The following TOMM40L variants were observed in gnomAD, a reference collection of about 807,000 sequenced individuals.
TOMM40L encodes mitochondrial import receptor subunit TOM40B.
TOMM40L carries 17 observed loss-of-function variants against 38.3 expected under a neutral mutation model. The ratio of observed to expected loss-of-function variants is 0.44; its 90% confidence interval spans 0.30 to 0.67. TOMM40L has a LOEUF of 0.67. TOMM40L is among the 30% of genes least tolerant of loss of function. The pLI is 0.08. For missense variants in TOMM40L, 294 were observed against 390.0 expected (o/e 0.75, Z 2.07); for synonymous variants, 151 against 150.2 (o/e 1.01, Z -0.04).
chr1:161,227,797 C>T (rs1666453483), intron 5 of TOMM40L, 60 bp downstream of exon 5: 2 of 1,605,106 alleles, frequency 1.2e-6, no homozygotes, highest in Non-Finnish European at 1.7e-6. Context: ...CCACGGGTTT[C>T]CTGCTCTGAG....
At chr1:161,226,813 T>C (rs1270750113) in intron 2 of TOMM40L, 75 bp from the exon 3 acceptor site, 10 of 1,538,710 alleles carry the variant, frequency 6.5e-6, no homozygotes, top group Non-Finnish European at 8.9e-6. Flanking sequence ...CCTATGGGAT[T>C]GAAAGGGGAG....
chr1:161,230,271 TAA>T lies in TOMM40L; in HGVS notation c.*1178_*1179del, dbSNP rs1488592750. 12 of 320,432 alleles carry T rather than the reference TAA, an allele frequency of 3.7e-5. No homozygotes were observed. The highest frequency in any genetic ancestry group is 6.9e-5 in the Non-Finnish European group (12 of 172,706). 19.8% of individuals were successfully genotyped at this position (320,432 alleles called of 1,614,324 possible). On this transcript the variant is annotated 3_prime_UTR_variant, in exon 10 of 10. Transcript: ENST00000367988. Reference sequence around the variant, plus strand: ...TAGAAGGTGGATGTGTTCTATGGTATAAAGCATCCCCTTTCTGGCCAAACTAG... The same window carrying T: ...TAGAAGGTGGATGTGTTCTATGGTATAGCATCCCCTTTCTGGCCAAACTAG...
At position 161,229,730 on chromosome 1, in the gene TOMM40L, CA is replaced by C. The variant is rs749380602; in HGVS notation, c.*636del. On this transcript the variant is annotated 3_prime_UTR_variant, in exon 10 of 10. Coordinates refer to ENST00000367988, the MANE Select transcript of TOMM40L (RefSeq NM_032174.6). ...TTGAACCCGGCCCAATCTTTGGTCC[CA>C]GCATTTTCCCACTCCAGTGTATCCA... The C allele has an allele frequency of 1.1e-5, 17 of 1,614,234 alleles. No homozygotes were observed. Among genetic ancestry groups the C allele is most frequent in the Non-Finnish European group, 1.4e-5 (16 of 1,180,048 alleles).
At position 161,226,602 on chromosome 1, in the gene TOMM40L, A is replaced by G; in HGVS notation, c.113A>G (p.Lys38Arg). The change falls in exon 2 of 10, where the codon AAA becomes AGA. Residue 38 changes from lysine to arginine, a missense_variant and splice_region_variant. By Grantham distance (26) the Lys-to-Arg change is conservative. Transcript: ENST00000367988. Reference sequence around the variant, plus strand: ...TTCGATGAGCTGCACCGTCTATGCAAAGGTGAGAACTTGGCACTTGGGTGT... The same window carrying G: ...TTCGATGAGCTGCACCGTCTATGCAGAGGTGAGAACTTGGCACTTGGGTGT... Reference protein sequence around the residue: ...GSFDELHRLCKDVFPAQMEGV... With the variant: ...GSFDELHRLCRDVFPAQMEGV... The G allele has an allele frequency of 6.2e-7, 1 of 1,613,914 alleles. No homozygotes were observed. Among genetic ancestry groups the G allele is most frequent in the Non-Finnish European group, 8.5e-7 (1 of 1,179,874 alleles).
rs1470877422 is a variant in TOMM40L at position 161,228,735 on chromosome 1, T to C, written c.705T>C (p.Phe235=). 6 of 1,614,036 alleles carry C rather than the reference T, an allele frequency of 3.7e-6. No individual in the cohort carries two copies. Among genetic ancestry groups the C allele is most frequent in the Non-Finnish European group, 5.1e-6 (6 of 1,180,028 alleles). The change falls in exon 9 of 10, where the codon TTT becomes TTC. Residue 235 remains phenylalanine, a synonymous_variant. Transcript: ENST00000367988. ...CTCAGGTTCAGGTTGGAGTGGAGTT[T>C]GAGGCAAACACAAGGCTACAAGACA... ...ANEQVQVGVE[F]EANTRLQDTT...
intron 8 of TOMM40L, 58 bp downstream of exon 8, chr1:161,228,562 A>G (rs1666544455): frequency 1.3e-6 from 2 of 1,599,670 alleles, no homozygotes; most frequent in African/African-American, 1.3e-5. Flanking sequence ...ACTTCTGTTC[A>G]TCTGGACCTC....
chr1:161,228,900 G>A lies in TOMM40L; in HGVS notation c.788-56G>A, dbSNP rs577799814. Reference sequence around the variant, plus strand: ...AGGGAAGCTCGACCTTACTTCTGGTGACTATTTCCTCCAATCCCTGTTAAA... The same window carrying A: ...AGGGAAGCTCGACCTTACTTCTGGTAACTATTTCCTCCAATCCCTGTTAAA... On this transcript the variant is annotated intron_variant, in intron 9 of 9. Transcript: ENST00000367988. 8.1e-6 allele frequency: 13 copies of A among 1,613,840 alleles called. No individual in the cohort carries two copies. In the Admixed American group the frequency reaches 1.2e-4, roughly 14 times the overall value.
In TOMM40L at chr1:161,229,842, C is replaced by A. The variant is rs794727971; in HGVS notation, c.*747C>A. 3 of 1,614,178 alleles carry A rather than the reference C, an allele frequency of 1.9e-6. No homozygotes were observed. The highest frequency in any genetic ancestry group is 2.5e-6 in the Non-Finnish European group (3 of 1,180,040). ...GCAGCGGCATCATGGCAGACAGGCCCTGGATGTGCTGGATTTGGTACCCGT... is the reference window on the plus strand; with the variant it reads ...GCAGCGGCATCATGGCAGACAGGCCATGGATGTGCTGGATTTGGTACCCGT... On this transcript the variant is annotated 3_prime_UTR_variant, in exon 10 of 10. Transcript: ENST00000367988.
Position 161,230,464 on chromosome 1 carries a change from C to A in TOMM40L, c.*1369C>A. On this transcript the variant is annotated 3_prime_UTR_variant, in exon 10 of 10. Transcript: ENST00000367988. ...GGCCCAATGGCGAGGAGAGGAAAGG[C>A]CAAGGGAAGAGAAAAGTCTGCGTTA... 1 of 484,512 alleles carries A rather than the reference C, an allele frequency of 2.1e-6. No individual in the cohort carries two copies. Among genetic ancestry groups the A allele is most frequent in the South Asian group, 3.3e-5 (1 of 30,280 alleles). The allele number at this position is 484,512 out of a possible 1,614,324, so 30.0% of individuals were successfully genotyped here. A position where few individuals can be genotyped will look rare whatever the true frequency, so the allele number is the denominator to read the frequency against.
rs1033742937 is a variant in TOMM40L, at chr1:161,228,321, G to A, written c.607+13G>A. On this transcript the variant is annotated intron_variant, in intron 7 of 9. Transcript: ENST00000367988. ...GGGAAGTACTCGGGTATGGGGCGAA[G>A]TGAAGTAGTGGTGGTGGTGGGGGGC... 10 of 1,607,798 alleles carry A rather than the reference G, an allele frequency of 6.2e-6. No individual in the cohort carries two copies. Among genetic ancestry groups the A allele is most frequent in the Non-Finnish European group, 7.7e-6 (9 of 1,175,540 alleles).
Position 161,228,183 on chromosome 1 carries a change from C to G in TOMM40L, c.485-3C>G. 6.3e-7 allele frequency: 1 copy of G among 1,581,804 alleles called. No individual in the cohort carries two copies. The highest frequency in any genetic ancestry group is 8.6e-7 in the Non-Finnish European group (1 of 1,162,214). On this transcript the variant is annotated splice_region_variant and splice_polypyrimidine_tract_variant and intron_variant, in intron 6 of 9. Coordinates refer to ENST00000367988, the MANE Select transcript of TOMM40L (RefSeq NM_032174.6). The stretch of plus-strand genomic sequence containing the variant: ...GACTCCATGTCTCCCCATTCCCCCA[C>G]AGTGATCATGGTTGCTCACTTCCTG...
At position 161,229,030 on chromosome 1, in the gene TOMM40L, C is replaced by G; in HGVS notation, c.862C>G (p.Leu288Val). The G allele has an allele frequency of 6.2e-7, 1 of 1,614,120 alleles. No individual in the cohort carries two copies. Among genetic ancestry groups the G allele is most frequent in the Non-Finnish European group, 8.5e-7 (1 of 1,180,016 alleles). ...GCCCCCTCTGCCTGTCACCCTAGCC[C>G]TTGGAGCCTTCCTCAATCACTGGCG... ...KMPPLPVTLA[L>V]GAFLNHWRNR... The change falls in exon 10 of 10, where the codon CTT (leucine) becomes GTT (valine). Residue 288 changes from leucine to valine, a missense_variant. Leu to Val is a conservative substitution (Grantham distance 32, BLOSUM62 1). Coordinates refer to ENST00000367988, the MANE Select transcript of TOMM40L (RefSeq NM_032174.6).
rs1444306523 is a variant in TOMM40L, at chr1:161,230,479, AG to A, written c.*1385del. The A allele has an allele frequency of 2.0e-6, 1 of 494,362 alleles. No individual in the cohort carries two copies. Among genetic ancestry groups the A allele is most frequent in the African/African-American group, 2.0e-5 (1 of 50,240 alleles). 30.6% of individuals were successfully genotyped at this position (494,362 alleles called of 1,614,324 possible). A position where few individuals can be genotyped will look rare whatever the true frequency, so the allele number is the denominator to read the frequency against. On this transcript the variant is annotated 3_prime_UTR_variant, in exon 10 of 10. Transcript: ENST00000367988. ...AGAGGAAAGGCCAAGGGAAGAGAAA[AG>A]TCTGCGTTAGTCTGGAGAAGTTGGA...
intron 8 of TOMM40L, 79 bp downstream of exon 8, chr1:161,228,583 C>T: frequency 1.3e-6 from 2 of 1,578,138 alleles, no homozygotes; most frequent in South Asian, 1.1e-5. Context: ...TATCGCCCTG[C>T]TGACCTATTT....
chr1:161,226,198 C>G, intron 1 of TOMM40L, 62 bp downstream of exon 1: 1 of 355,196 alleles, frequency 2.8e-6, no homozygotes, highest in South Asian at 3.4e-5. Context: ...AATAGAGAGG[C>G]TAGGGAGCTA....
intron 4 of TOMM40L, 124 bp downstream of exon 4, chr1:161,227,474 T>C: frequency 9.2e-7 from 1 of 1,089,658 alleles, no homozygotes; most frequent in Non-Finnish European, 1.4e-6. Flanking sequence ...GTGTCTTTTC[T>C]GAATGAGAGA....
rs776584475 is a variant in TOMM40L, at chr1:161,229,086, T to C, written c.918T>C (p.Thr306=). ...RNRFHCGFSI[T]VG is the part of the protein sequence containing the mutation. ...GATTCCATTGTGGCTTCAGCATCAC[T>C]GTGGGCTGAGGTTGTCCAGAGCCAG... The change falls in exon 10 of 10, where the codon ACT becomes ACC. Residue 306 remains threonine, a synonymous_variant. Coordinates refer to ENST00000367988, the MANE Select transcript of TOMM40L (RefSeq NM_032174.6). 3 of 1,614,174 alleles carry C rather than the reference T, an allele frequency of 1.9e-6. No homozygotes were observed. The East Asian group carries it at 6.7e-5, about 36-fold the overall frequency.
chr1:161,226,643 C>T, intron 2 of TOMM40L, 39 bp downstream of exon 2: 1 of 1,585,784 alleles, frequency 6.3e-7, no homozygotes, highest in East Asian at 2.3e-5. Flanking sequence ...GATGAAGGGG[C>T]AGAGGAGTGG....
At chr1:161,228,680 C>T in intron 8 of TOMM40L, 35 bp from the exon 9 acceptor site, 1 of 1,610,818 alleles carries the variant, frequency 6.2e-7, no homozygotes, top group Non-Finnish European at 8.5e-7. Context: ...TTCACTGATA[C>T]TGATCTCTCT....
Sources: allele counts gnomAD v4.1 joint callset, GRCh38; gene constraint gnomAD v4.1.1; transcripts MANE v1.5; gene names NCBI Gene and HGNC (gene_info 2026-07-23, HGNC 2026-07-21).